Variants in IFT74 observed in about 807,000 individuals in gnomAD.
IFT74 encodes intraflagellar transport 74, also known as intraflagellar transport protein 74 homolog.
Under a neutral mutation model 96.7 loss-of-function variants are expected in IFT74, and 92 were observed. The ratio of observed to expected loss-of-function variants is 0.95; its 90% CI spans 0.80 to 1.13. The LOEUF (loss-of-function observed/expected upper bound fraction) is 1.13. Among genes scored for constraint, IFT74 ranks in the 50% most tolerant of loss-of-function variants. IFT74 has a pLI of 0.00. For missense variants in IFT74, 811 were observed against 698.2 expected (o/e 1.16, Z -1.82); for synonymous variants, 223 against 213.2 (o/e 1.05, Z -0.40).
At chr9:27,036,339 G>GA in intron 13 of IFT74, 3 of 1,388,744 alleles carry the variant, frequency 2.2e-6, no homozygotes, top group Non-Finnish European at 2.9e-6. Flanking sequence ...AAAATTGGGT[G>GA]AAACCTAATG....
chr9:26,947,954 T>C (rs1587208965), intron 1 of IFT74, among the ~76,000 whole-genome samples: 2 of 152,290 alleles, frequency 1.3e-5, no homozygotes, highest in South Asian at 2.1e-4. Context: ...TCAGACCTTA[T>C]TGAGTGCCAG....
intron 1 of IFT74, among the ~76,000 whole-genome samples, chr9:26,957,394 ATCATACACCGTCTTCCTTTTC>A (rs1826160703): frequency 1.3e-5 from 2 of 152,188 alleles, no homozygotes; most frequent in African/African-American, 4.8e-5. Context: ...AACCATTTTG[ATCATACACCGTCTTCCTTTTC>A]AAAGAGTCAT....
intron 13 of IFT74, among the ~76,000 whole-genome samples, chr9:27,038,569 C>T (rs1422630254): frequency 6.6e-6 from 1 of 152,096 alleles, no homozygotes; most frequent in Non-Finnish European, 1.5e-5. Flanking sequence ...GAGCCCACCG[C>T]GCCCGGCCCA....
intron 14 of IFT74, 104 bp from the exon 15 acceptor site, chr9:27,047,170 C>T: frequency 1.5e-6 from 1 of 655,874 alleles, no homozygotes; most frequent in Admixed American, 3.1e-5. Flanking sequence ...GACTCTGTCT[C>T]AAAAAAAGAA....
intron 16 of IFT74, among the ~76,000 whole-genome samples, chr9:27,055,361 A>G (rs543820958): frequency 8.5e-5 from 13 of 152,284 alleles, no homozygotes; most frequent in African/African-American, 3.1e-4. Context: ...GTTTGTTAGC[A>G]TGGAGACAGC....
At chr9:27,020,623 C>T (rs926555419) in intron 12 of IFT74, among the ~76,000 whole-genome samples, 1 of 151,796 alleles carries the variant, frequency 6.6e-6, no homozygotes, top group Non-Finnish European at 1.5e-5. Flanking sequence ...TACAGGCGCC[C>T]GCCACTGCGC....
chr9:26,984,648 T>A, intron 6 of IFT74, 89 bp downstream of exon 6: 1 of 980,724 alleles, frequency 1.0e-6, no homozygotes, highest in Non-Finnish European at 1.6e-6. Flanking sequence ...GCAAAGGACA[T>A]GCACAGATAC....
chr9:26,983,380 C>T (rs1827473293), intron 4 of IFT74, among the ~76,000 whole-genome samples: 1 of 152,184 alleles, frequency 6.6e-6, no homozygotes, highest in South Asian at 2.1e-4. Flanking sequence ...TTGTCTGGCT[C>T]TAGAGCAGTG....
chr9:27,055,608 G>T lies in IFT74; in HGVS notation c.1334-1G>T. ...TATCACCTTAAATTCTTATGTTTCA[G>T]ACATTCAACGTCTGCAGTTGGATCT... On this transcript the variant is annotated splice_acceptor_variant, in intron 16 of 19. Transcript: ENST00000380062. LOFTEE classifies it high-confidence loss of function. 1 of 1,567,622 alleles carries T rather than the reference G, an allele frequency of 6.4e-7. No homozygotes were observed. The highest frequency in any genetic ancestry group is 1.2e-5 in the South Asian group (1 of 82,090).
intron 12 of IFT74, among the ~76,000 whole-genome samples, chr9:27,023,714 A>G (rs1829721712): frequency 6.6e-6 from 1 of 152,154 alleles, no homozygotes; most frequent in South Asian, 2.1e-4. Flanking sequence ...ATCTTTTGGA[A>G]TAGTTTCAGT....
At chr9:27,002,046 A>C (rs1828526570) in intron 8 of IFT74, among the ~76,000 whole-genome samples, 1 of 152,054 alleles carries the variant, frequency 6.6e-6, no homozygotes, top group African/African-American at 2.4e-5. Context: ...ATCATGGTGG[A>C]AGGTGAAGGG....
chr9:26,995,120 A>T (rs1383970667), intron 8 of IFT74: 2 of 153,586 alleles, frequency 1.3e-5, no homozygotes, highest in African/African-American at 4.8e-5. Flanking sequence ...TGACTTCCAT[A>T]TATTAATAAA....
intron 10 of IFT74, among the ~76,000 whole-genome samples, chr9:27,012,708 G>GTTTTTGTTTTTTT (rs1563974337): frequency 1.9e-5 from 1 of 53,866 alleles, no homozygotes; most frequent in Non-Finnish European, 3.2e-5. Context: ...AAAAATGTCT[G>GTTTTTGTTTTTTT]TTTTTTTTTT....
intron 19 of IFT74, among the ~76,000 whole-genome samples, chr9:27,061,385 C>T (rs10967688): frequency 0.084 from 12,754 of 152,074 alleles, 1,647 homozygotes; most frequent in East Asian, 0.67. Context: ...TTCAGTTTTC[C>T]GGGATCACAG....
chr9:27,045,853 A>G (rs1202600121), intron 14 of IFT74, among the ~76,000 whole-genome samples: 1 of 152,160 alleles, frequency 6.6e-6, no homozygotes, highest in African/African-American at 2.4e-5. Flanking sequence ...TTATCTCAAA[A>G]ATATTTTTTT....
intron 14 of IFT74, among the ~76,000 whole-genome samples, chr9:27,046,894 G>T (rs1819716461): frequency 6.6e-6 from 1 of 152,154 alleles, no homozygotes. Context: ...TAAAAATTGG[G>T]CCAGGTGCCG....
intron 6 of IFT74, among the ~76,000 whole-genome samples, chr9:26,987,914 TTA>T (rs1827704726): frequency 6.6e-6 from 1 of 152,140 alleles, no homozygotes. Context: ...GAATATCTTT[TTA>T]TGTTTTTACT....
upstream of IFT74, chr9:26,956,276 G>T (rs1484196927): frequency 6.6e-6 from 1 of 152,246 alleles, no homozygotes; most frequent in Non-Finnish European, 1.5e-5. Context: ...CTGAAGCGTG[G>T]TGAAGAAACA....
chr9:26,980,630 CAT>C lies in IFT74; in HGVS notation c.305+14_305+15del. 3.2e-6 allele frequency: 5 copies of C among 1,545,072 alleles called. No homozygotes were observed. Among genetic ancestry groups the C allele is most frequent in the Non-Finnish European group, 2.7e-6 (3 of 1,119,822 alleles). The stretch of plus-strand genomic sequence containing the variant: ...TCTTGGGCTTCTTAGGTATGTTAAA[CAT>C]ATCTTTTCATCCGTATGTTTTACTC... On this transcript the variant is annotated intron_variant, in intron 4 of 19. Coordinates refer to ENST00000380062, the MANE Select transcript of IFT74 (RefSeq NM_025103.4).
Sources: gnomAD v4.1 joint callset for allele counts (sites outside exome capture counted in the v4.1 genomes callset) on GRCh38, gnomAD v4.1.1 for gene constraint, MANE v1.5 for transcripts, NCBI Gene and HGNC (gene_info 2026-07-23, HGNC 2026-07-21) for gene names.